Variants in PNPLA4 observed in about 807,000 individuals in gnomAD.
The protein encoded by PNPLA4 is patatin like domain 4, phospholipase and triacylglycerol lipase.
PNPLA4 carries 15 observed loss-of-function variants against 18.3 expected under a neutral mutation model. That is an observed-to-expected ratio of 0.82 (90% CI 0.55 to 1.26). The LOEUF (loss-of-function observed/expected upper bound fraction) is 1.26, where lower values mean the gene tolerates loss of function less well. PNPLA4 is among the 50% of genes most tolerant of loss of function. PNPLA4 has a pLI of 0.00. For missense variants in PNPLA4, 229 were observed against 196.8 expected (o/e 1.16, Z -0.98); for synonymous variants, 88 against 85.6 (o/e 1.03, Z -0.16).
At position 7,900,179 on chromosome X, in the gene PNPLA4, AAAATGGACTAATAC is replaced by A. The variant is rs1923485308; in HGVS notation, c.*493_*506del. On this transcript the variant is annotated 3_prime_UTR_variant, in exon 7 of 7. Transcript: ENST00000381042. ...TGGGTATGTCTTTCTCAGCAGTGTG[AAAATGGACTAATAC>A]ACAAACCTTTGTTCCTCCAGTCCTG... 8.7e-6 allele frequency: 1 copy of A among 115,098 alleles called. No homozygotes were observed. The highest frequency in any genetic ancestry group is 1.8e-5 in the Non-Finnish European group (1 of 55,684). The allele number at this position is 115,098 out of a possible 1,213,427, so 9.5% of individuals were successfully genotyped here.
chrX:7,905,221 A>C (rs1034356333), intron 5 of PNPLA4, among the ~76,000 whole-genome samples: 1 of 112,694 alleles, frequency 8.9e-6, no homozygotes, highest in Admixed American at 9.4e-5. Context: ...GAATTAATAG[A>C]ATCACTTCTA....
rs1326265427 is a variant in PNPLA4, at chrX:7,908,011, A to C, written c.477+4017T>G. Among the ~76,000 whole-genome samples, 114 of 110,974 alleles carry C rather than the reference A, an allele frequency of 1.0e-3. 1 individual carries two copies. Among genetic ancestry groups the C allele is most frequent in the Non-Finnish European group, 1.1e-4 (6 of 53,028 alleles). On this transcript the variant is annotated intron_variant, in intron 5 of 6. Coordinates refer to ENST00000381042, the MANE Select transcript of PNPLA4 (RefSeq NM_004650.3). ...CTGGTAGAGGGTTTTGAAAGGACTC[A>C]TACTGGTATTTGCTGTGGTTGAAAT...
chrX:7,908,662 T>C lies in PNPLA4; in HGVS notation c.477+3366A>G, dbSNP rs1256346015. ...GGCCGCTGTGGCTCTCTGTCAATCA[T>C]GTGCATGAGGCCCCCTTATTGTGGA... On this transcript the variant is annotated intron_variant, in intron 5 of 6. Coordinates refer to ENST00000381042, the MANE Select transcript of PNPLA4 (RefSeq NM_004650.3). Among the ~76,000 whole-genome samples the C allele has an allele frequency of 3.6e-5, 4 of 112,122 alleles. No homozygotes were observed. The East Asian group carries it at 1.1e-3, about 31-fold the overall frequency.
In PNPLA4 at chrX:7,898,935, T is replaced by C. The variant is rs1364721795; in HGVS notation, c.*1751A>G. The C allele has an allele frequency of 2.7e-5, 3 of 111,916 alleles. No homozygotes were observed. Among genetic ancestry groups the C allele is most frequent in the South Asian group, 3.8e-4 (1 of 2,654 alleles). 9.2% of individuals were successfully genotyped at this position (111,916 alleles called of 1,213,427 possible). ...GAATTTATTGAAATACAGTGTATCA[T>C]ACAAATAGAATATTCACATGAAATG... On this transcript the variant is annotated 3_prime_UTR_variant, in exon 7 of 7. Transcript: ENST00000381042.
chrX:7,922,045 GA>G lies in PNPLA4; in HGVS notation c.233del (p.Phe78SerfsTer4), dbSNP rs1569107697. 1 of 1,209,493 alleles carries G rather than the reference GA, an allele frequency of 8.3e-7. No individual in the cohort carries two copies. ...AGTCATAACCGGGCGTTACTGCCCC[GA>G]AAGACTGCCTTCTGATTTCTTCGGC... ...KFAEEIRRQS[F>X]GAVTPGYDFM... On this transcript the variant is annotated frameshift_variant, in exon 3 of 7. Coordinates refer to ENST00000381042, the MANE Select transcript of PNPLA4 (RefSeq NM_004650.3).
rs945405785 is a variant in PNPLA4 at position 7,899,158 on chromosome X, C to T, written c.*1528G>A. ...TACTCTAGAGTGGGTCTATGCATAA[C>T]TCCTCAAAAAGAGGCCATCGTTGGT... On this transcript the variant is annotated 3_prime_UTR_variant, in exon 7 of 7. Transcript: ENST00000381042. 4.5e-5 allele frequency: 5 copies of T among 111,636 alleles called. No individual in the cohort carries two copies. Among genetic ancestry groups the T allele is most frequent in the Non-Finnish European group, 7.5e-5 (4 of 53,156 alleles). 9.2% of individuals were successfully genotyped at this position (111,636 alleles called of 1,213,427 possible).
chrX:7,905,375 G>C (rs187123706), intron 5 of PNPLA4, among the ~76,000 whole-genome samples: 3 of 111,824 alleles, frequency 2.7e-5, no homozygotes, highest in Non-Finnish European at 5.6e-5. Context: ...ATTACATAAC[G>C]CAAGTGGAAA....
In PNPLA4 at chrX:7,900,801, A is replaced by G. The variant is rs1175886434; in HGVS notation, c.647T>C (p.Leu216Pro). ...KQDIMLSLAN[L>P]VRLNQALFPP... ...AAAAAGGGCTTGGTTGAGTCTCACC[A>G]GGTTTGCCAGGGACAACTAGAATAA... Residue 216 changes from leucine to proline, a missense_variant, in exon 7 of 7, where the codon CTG becomes CCG. Leu to Pro is a moderately conservative substitution (Grantham distance 98). Coordinates refer to ENST00000381042, the MANE Select transcript of PNPLA4 (RefSeq NM_004650.3). The G allele has an allele frequency of 4.2e-6, 5 of 1,201,942 alleles. No homozygotes were observed. The African/African-American group carries it at 8.8e-5, about 21-fold the overall frequency.
At chrX:7,917,995 G>A (rs1487057671) in intron 4 of PNPLA4, among the ~76,000 whole-genome samples, 2 of 112,226 alleles carry the variant, frequency 1.8e-5, no homozygotes, top group Non-Finnish European at 3.8e-5. Context: ...CAGAATAAAT[G>A]AGTTAATGAT....
chrX:7,925,430 G>A (rs1434815559), intron 2 of PNPLA4, among the ~76,000 whole-genome samples: 1 of 112,408 alleles, frequency 8.9e-6, no homozygotes, highest in Non-Finnish European at 1.9e-5. Context: ...ATAATTATTT[G>A]TATTACTTCT....
rs761003347 is a variant in PNPLA4 at position 7,922,106 on chromosome X, A to T, written c.181-8T>A. 1 of 1,109,096 alleles carries T rather than the reference A, an allele frequency of 9.0e-7. No individual in the cohort carries two copies. The highest frequency in any genetic ancestry group is 1.9e-5 in the South Asian group (1 of 53,056). 91.4% of individuals were successfully genotyped at this position (1,109,096 alleles called of 1,213,427 possible). ...GGTAAATTGGTTACATTCCTAAAAA[A>T]AGAAAATTAAGAAGTGACCCTAGGT... On this transcript the variant is annotated splice_region_variant and splice_polypyrimidine_tract_variant and intron_variant, in intron 2 of 6. Coordinates refer to ENST00000381042, the MANE Select transcript of PNPLA4 (RefSeq NM_004650.3).
At position 7,899,624 on chromosome X, in the gene PNPLA4, G is replaced by A. The variant is rs1923449149; in HGVS notation, c.*1062C>T. ...AATAGCTAAATACTCAGAGAGGTAT[G>A]GCGAGAGAGAGAGAGAGAGAGAGAG... On this transcript the variant is annotated 3_prime_UTR_variant, in exon 7 of 7. Transcript: ENST00000381042. The A allele has an allele frequency of 5.1e-5, 1 of 19,658 alleles. No homozygotes were observed. Among genetic ancestry groups the A allele is most frequent in the African/African-American group, 1.4e-4 (1 of 7,190 alleles). The allele number at this position is 19,658 out of a possible 1,213,427, so 1.6% of individuals were successfully genotyped here.
chrX:7,915,614 A>C (rs1260926161), intron 4 of PNPLA4, among the ~76,000 whole-genome samples: 6 of 111,958 alleles, frequency 5.4e-5, no homozygotes, highest in Non-Finnish European at 1.1e-4. Context: ...AACTGTATAA[A>C]ACATCGCCAG....
At position 7,919,805 on chromosome X, in the gene PNPLA4, G is replaced by A. The variant is rs756810444; in HGVS notation, c.411+1908C>T. 2.7e-5 allele frequency among the ~76,000 whole-genome samples: 3 copies of A among 112,105 alleles called. No individual in the cohort carries two copies. In the East Asian group the frequency reaches 8.5e-4, roughly 32 times the overall value. On this transcript the variant is annotated intron_variant, in intron 4 of 6. Transcript: ENST00000381042. The stretch of plus-strand genomic sequence containing the variant: ...AGTTAGGGAAGAATGCTAGACACAT[G>A]AACCACAGTCACAGCTGGGCCCCAG...
chrX:7,907,994 G>A (rs1398189594), intron 5 of PNPLA4, among the ~76,000 whole-genome samples: 1 of 110,351 alleles, frequency 9.1e-6, no homozygotes, highest in Non-Finnish European at 1.9e-5. Context: ...CACTGGTAGA[G>A]GGTTTTGAAA....
chrX:7,900,269 T>C lies in PNPLA4; in HGVS notation c.*417A>G, dbSNP rs1923488987. 1 of 115,173 alleles carries C rather than the reference T, an allele frequency of 8.7e-6. No individual in the cohort carries two copies. Among genetic ancestry groups the C allele is most frequent in the Non-Finnish European group, 1.8e-5 (1 of 55,426 alleles). The allele number at this position is 115,173 out of a possible 1,213,427, so 9.5% of individuals were successfully genotyped here. A position where few individuals can be genotyped will look rare whatever the true frequency, so the allele number is the denominator to read the frequency against. On this transcript the variant is annotated 3_prime_UTR_variant, in exon 7 of 7. Coordinates refer to ENST00000381042, the MANE Select transcript of PNPLA4 (RefSeq NM_004650.3). ...CCTATTTCTCAAATCCTTCCTCTCC[T>C]ACCTAGTTCCTTCAGTTCCAGAGCT...
In PNPLA4 at chrX:7,925,954, G is replaced by T. The variant is rs1301020854; in HGVS notation, c.166C>A (p.Pro56Thr). 8.3e-7 allele frequency: 1 copy of T among 1,206,591 alleles called. No homozygotes were observed. The change falls in exon 2 of 7, where the codon CCA becomes ACA. Residue 56 changes from proline (P) to threonine (T), a missense_variant. Coordinates refer to ENST00000381042, the MANE Select transcript of PNPLA4 (RefSeq NM_004650.3). The stretch of plus-strand genomic sequence containing the variant: ...TACTTAATTACCTCTATTTTTTCTG[G>T]TGCTGTTAGCAGAACAGAAGCAACC... ...SLVASVLLTA[P>T]EKIEECNQFT...
rs183098314 is a variant in PNPLA4 at position 7,922,683 on chromosome X, G to T, written c.181-585C>A. 1.9e-3 allele frequency among the ~76,000 whole-genome samples: 212 copies of T among 112,378 alleles called. 1 individual carries two copies. Among genetic ancestry groups the T allele is most frequent in the Middle Eastern group, 9.3e-3 (2 of 216 alleles). On this transcript the variant is annotated intron_variant, in intron 2 of 6. Coordinates refer to ENST00000381042, the MANE Select transcript of PNPLA4 (RefSeq NM_004650.3). ...ATCTTCACATCACCCTGCAGGGTGG[G>T]TATAACCATCCCACTTGACAGACAA... is the stretch of plus-strand genomic sequence containing the variant.
chrX:7,914,861 G>C (rs987997658), intron 4 of PNPLA4, among the ~76,000 whole-genome samples: 2 of 111,761 alleles, frequency 1.8e-5, no homozygotes, highest in Admixed American at 9.5e-5. Flanking sequence ...GATAATAACA[G>C]TAAGAATCCT....
Sources: gnomAD v4.1 joint callset for allele counts (sites outside exome capture counted in the v4.1 genomes callset) on GRCh38, gnomAD v4.1.1 for gene constraint, MANE v1.5 for transcripts, NCBI Gene and HGNC (gene_info 2026-07-23, HGNC 2026-07-21) for gene names.